VPS37B: variants seen among roughly 807,000 people sequenced by gnomAD.
VPS37B encodes vacuolar protein sorting-associated protein 37B.
VPS37B carries 11 observed loss-of-function variants against 21.2 expected under a neutral mutation model. The ratio of observed to expected loss-of-function variants is 0.52; its 90% CI spans 0.33 to 0.86. The LOEUF (loss-of-function observed/expected upper bound fraction) is 0.86. Ranked by LOEUF, VPS37B falls within the 40% of genes least tolerant of loss-of-function variation. The pLI, the probability that VPS37B is intolerant of heterozygous loss-of-function variation, is 0.03. For synonymous variants in VPS37B, 175 were observed against 159.6 expected (o/e 1.10, Z -0.73); for missense variants, 389 against 374.8 (o/e 1.04, Z -0.31).
Position 122,867,155 on chromosome 12 carries a change from G to A in VPS37B, c.819C>T (p.Pro273=). The A allele has an allele frequency of 3.9e-6, 6 of 1,550,654 alleles. No homozygotes were observed. The highest frequency in any genetic ancestry group is 4.3e-6 in the Non-Finnish European group (5 of 1,154,790). ...AACCCGGCTGGTGTGGAGGGAGCCG[G>A]GGCGGGGGTCTCTGAGGGAGAGGTG... is the stretch of plus-strand genomic sequence containing the variant. The part of the protein sequence containing the change: ...YPPPLPQRPP[P]RLPPHQPGFI... Residue 273 remains proline, a synonymous_variant, in exon 4 of 4, where the codon CCC becomes CCT. Transcript: ENST00000267202. The surrounding 1 kb of genome is among the most constrained non-coding windows in gnomAD (Gnocchi z 5.5).
At chr12:122,881,738 G>C (rs1023957534) in intron 1 of VPS37B, 1 of 152,044 alleles carries the variant, frequency 6.6e-6, no homozygotes, top group African/African-American at 2.4e-5. Flanking sequence ...AAATTTACTA[G>C]TTTACTATTT....
chr12:122,868,031 C>A lies in VPS37B; in HGVS notation c.367-424G>T, dbSNP rs1296095426. Reference sequence around the variant, plus strand: ...GGGCTTCAGAGTTCATCGAGCCCAGCCCTATCTTGGCAAGACCCTGCCGGC... The same window carrying A: ...GGGCTTCAGAGTTCATCGAGCCCAGACCTATCTTGGCAAGACCCTGCCGGC... On this transcript the variant is annotated intron_variant, in intron 3 of 3. Transcript: ENST00000267202. This position sits in a 1 kb window ranked among gnomAD's most constrained non-coding sequence, Gnocchi z 5.5. Among the ~76,000 whole-genome samples the A allele has an allele frequency of 6.6e-6, 1 of 152,232 alleles. No homozygotes were observed. The highest frequency in any genetic ancestry group is 1.5e-5 in the Non-Finnish European group (1 of 68,038).
chr12:122,866,955 C>A lies in VPS37B; in HGVS notation c.*161G>T. On this transcript the variant is annotated 3_prime_UTR_variant, in exon 4 of 4. Coordinates refer to ENST00000267202, the MANE Select transcript of VPS37B (RefSeq NM_024667.3). ...ACTGCCTTGATGCCCAAAGCCTGGG[C>A]TCCTACTACTCACCACTGACCTACA... 2.3e-6 allele frequency: 2 copies of A among 868,288 alleles called. No individual in the cohort carries two copies. The highest frequency in any genetic ancestry group is 3.2e-6 in the Non-Finnish European group (2 of 621,358). The allele number at this position is 868,288 out of a possible 1,614,324, so 53.8% of individuals were successfully genotyped here.
chr12:122,883,413 C>T (rs1395204677), intron 1 of VPS37B: 1 of 152,210 alleles, frequency 6.6e-6, no homozygotes, highest in East Asian at 1.9e-4. Context: ...AAGTGACACA[C>T]TTGACAGTTT....
chr12:122,887,733 T>C (rs2034350041), intron 1 of VPS37B: 1 of 152,312 alleles, frequency 6.6e-6, no homozygotes, highest in South Asian at 2.1e-4. Context: ...GAAAACTATG[T>C]GGTTTACTGG....
intron 1 of VPS37B, among the ~76,000 whole-genome samples, chr12:122,892,927 G>T (rs1176438078): frequency 1.3e-5 from 2 of 152,142 alleles, no homozygotes; most frequent in Admixed American, 1.3e-4. Flanking sequence ...TGGGTGTGAT[G>T]GCGCACACCT....
intron 1 of VPS37B, chr12:122,872,363 C>G: frequency 2.0e-6 from 2 of 985,470 alleles, no homozygotes; most frequent in Non-Finnish European, 2.4e-6. Context: ...CAGCTGCACC[C>G]AGGGCCCTAA....
chr12:122,867,515 C>G lies in VPS37B; in HGVS notation c.459G>C (p.Arg153=). The G allele has an allele frequency of 6.2e-7, 1 of 1,614,094 alleles. No homozygotes were observed. The highest frequency in any genetic ancestry group is 8.5e-7 in the Non-Finnish European group (1 of 1,180,014). The change falls in exon 4 of 4, where the codon CGG becomes CGC. Residue 153 remains arginine (R), a synonymous_variant. Transcript: ENST00000267202. This position sits in a 1 kb window ranked among gnomAD's most constrained non-coding sequence, Gnocchi z 5.5. The part of the protein sequence containing the change: ...QSKRKLAHMR[R]VKIEKLQEMV... The stretch of plus-strand genomic sequence containing the variant: ...TCTCCTGGAGCTTCTCGATTTTCAC[C>G]CGTCGCATGTGGGCCAGTTTCCGTT...
At chr12:122,873,605 G>C (rs974633973) in intron 1 of VPS37B, 1 of 152,202 alleles carries the variant, frequency 6.6e-6, no homozygotes, top group Non-Finnish European at 1.5e-5. Flanking sequence ...CATAAATGGA[G>C]CCAAACTCAT....
At chr12:122,880,323 A>C (rs578205767) in intron 1 of VPS37B, 1 of 152,212 alleles carries the variant, frequency 6.6e-6, no homozygotes, top group East Asian at 1.9e-4. Context: ...GGAAAGGGGG[A>C]AAAATGAAGA....
chr12:122,892,996 G>C (rs1441875838), intron 1 of VPS37B, among the ~76,000 whole-genome samples: 1 of 151,818 alleles, frequency 6.6e-6, no homozygotes, highest in Non-Finnish European at 1.5e-5. Flanking sequence ...AGGAGGCAGA[G>C]GTTGCAGTGC....
intron 1 of VPS37B, chr12:122,877,354 C>T (rs1345270170): frequency 6.6e-6 from 1 of 152,152 alleles, no homozygotes. Flanking sequence ...GTAAATAAAT[C>T]ACATTTTATT....
chr12:122,888,764 A>T (rs1159692084), intron 1 of VPS37B: 2 of 341,016 alleles, frequency 5.9e-6, no homozygotes, highest in Non-Finnish European at 1.2e-5. Flanking sequence ...CCTTCTCCCA[A>T]CCCACTAATA....
chr12:122,872,782 T>G, intron 1 of VPS37B: 5 of 776,866 alleles, frequency 6.4e-6, no homozygotes, highest in Non-Finnish European at 6.3e-6. Context: ...CTTGGGCATT[T>G]ATATCAGAGA....
At chr12:122,869,686 TGTG>T (rs1327979220) in intron 2 of VPS37B, among the ~76,000 whole-genome samples, 1 of 152,228 alleles carries the variant, frequency 6.6e-6, no homozygotes, top group African/African-American at 2.4e-5. Flanking sequence ...CACAGTTCAC[TGTG>T]GCCTCAGCCT....
At chr12:122,883,101 G>C (rs756694328) in intron 1 of VPS37B, 1 of 152,196 alleles carries the variant, frequency 6.6e-6, no homozygotes, top group African/African-American at 2.4e-5. Flanking sequence ...AGCCCACTCA[G>C]GAAGGAAACT....
intron 1 of VPS37B, among the ~76,000 whole-genome samples, chr12:122,890,733 G>A (rs1342948605): frequency 6.6e-6 from 1 of 152,158 alleles, no homozygotes; most frequent in Non-Finnish European, 1.5e-5. Context: ...GTGGCACCGA[G>A]TACATTCATA....
At position 122,867,964 on chromosome 12, in the gene VPS37B, C is replaced by T. The variant is rs556701469; in HGVS notation, c.367-357G>A. On this transcript the variant is annotated intron_variant, in intron 3 of 3. Transcript: ENST00000267202. This position sits in a 1 kb window ranked among gnomAD's most constrained non-coding sequence, Gnocchi z 5.5. Reference sequence around the variant, plus strand: ...CCGGCTGCACCCTGACTGACAGACTCGCCCTGGGTGGGTAAGCAAGACAGA... The same window carrying T: ...CCGGCTGCACCCTGACTGACAGACTTGCCCTGGGTGGGTAAGCAAGACAGA... Among the ~76,000 whole-genome samples, 120 of 152,332 alleles carry T rather than the reference C, an allele frequency of 7.9e-4. No homozygotes were observed. Among genetic ancestry groups the T allele is most frequent in the Non-Finnish European group, 1.4e-3 (92 of 68,028 alleles).
At chr12:122,874,979 A>AAAC (rs2034120463) in intron 1 of VPS37B, 1 of 128,522 alleles carries the variant, frequency 7.8e-6, no homozygotes, top group Non-Finnish European at 1.6e-5. Context: ...AAAAAAAAAA[A>AAAC]AACTCCAACT....
Sources: allele counts gnomAD v4.1 joint callset (sites outside exome capture counted in the v4.1 genomes callset), GRCh38; gene constraint gnomAD v4.1.1; non-coding constraint Gnocchi (gnomAD v3.1); transcripts MANE v1.5; gene names NCBI Gene and HGNC (gene_info 2026-07-23, HGNC 2026-07-21).